NPEPPS: variants seen among roughly 807,000 people sequenced by gnomAD.
NPEPPS encodes the protein aminopeptidase puromycin sensitive.
Under a neutral mutation model 115.5 loss-of-function variants are expected in NPEPPS, and 14 were observed. The ratio of observed to expected loss-of-function variants is 0.12; its 90% CI spans 0.08 to 0.19. The LOEUF (loss-of-function observed/expected upper bound fraction) is 0.19, where lower values mean the gene tolerates loss of function less well. Ranked by LOEUF, NPEPPS falls within the 10% of genes least tolerant of loss-of-function variation. The probability of loss-of-function intolerance (pLI) is 1.00; values close to 1 mark genes in which losing one functional copy is unlikely to be tolerated. For missense variants in NPEPPS, 523 were observed against 1,110.8 expected, an observed-to-expected ratio of 0.47 and a Z score of 7.52; for synonymous variants, 285 against 390.6, an observed-to-expected ratio of 0.73 and a Z score of 3.19.
In NPEPPS at chr17:47,605,440, T is replaced by C. The variant is rs1240694613; in HGVS notation, c.1983T>C (p.Ile661=). ...VWSDLSCNLG[I]LSTLLSHTDF... ...GCGACCTGAGCTGTAACCTGGGGAT[T>C]CTCTCAACTCTCTTGTCCCACACAG... is the stretch of plus-strand genomic sequence containing the variant. Residue 661 remains isoleucine, a synonymous_variant, in exon 17 of 23, where the codon ATT becomes ATC. Coordinates refer to ENST00000322157, the MANE Select transcript of NPEPPS (RefSeq NM_006310.4). 2 of 1,609,894 alleles carry C rather than the reference T, an allele frequency of 1.2e-6. 1 individual carries two copies. The highest frequency in any genetic ancestry group is 2.2e-5 in the South Asian group (2 of 90,006).
chr17:47,570,838 G>A (rs1266153376), intron 3 of NPEPPS, among the ~76,000 whole-genome samples: 3 of 152,190 alleles, frequency 2.0e-5, no homozygotes, highest in South Asian at 2.1e-4. Context: ...CCTTGATATC[G>A]CTGGGGGAAG....
chr17:47,553,058 T>C (rs1190557351), intron 2 of NPEPPS, among the ~76,000 whole-genome samples: 1 of 152,110 alleles, frequency 6.6e-6, no homozygotes, highest in South Asian at 2.1e-4. Context: ...TGTACTACTT[T>C]TCAATGGAAT....
At chr17:47,531,672 G>C (rs2078216082) in intron 1 of NPEPPS, 117 bp downstream of exon 1, 1 of 1,248,162 alleles carries the variant, frequency 8.0e-7, no homozygotes, top group Non-Finnish European at 1.0e-6. Flanking sequence ...GGGCTGGGCG[G>C]CCGCAGGGCG....
At chr17:47,524,241 G>A (rs1277233787) in intron 1 of NPEPPS, among the ~76,000 whole-genome samples, 3 of 151,784 alleles carry the variant, frequency 2.0e-5, no homozygotes, top group African/African-American at 4.8e-5. Context: ...CCCGGGAGGC[G>A]GAGGTTGTAG....
chr17:47,540,152 C>T (rs1411614125), intron 1 of NPEPPS, among the ~76,000 whole-genome samples: 1 of 152,030 alleles, frequency 6.6e-6, no homozygotes, highest in Non-Finnish European at 1.5e-5. Flanking sequence ...CTCTTTGGTA[C>T]AGCCCTTACT....
chr17:47,529,808 G>A (rs1907605815), upstream of NPEPPS, among the ~76,000 whole-genome samples: 1 of 120,926 alleles, frequency 8.3e-6, no homozygotes, highest in African/African-American at 2.9e-5. Flanking sequence ...GGTATCTACA[G>A]AACTGAGAGA....
At chr17:47,572,951 T>A (rs1199215304) in intron 3 of NPEPPS, among the ~76,000 whole-genome samples, 1 of 152,146 alleles carries the variant, frequency 6.6e-6, no homozygotes, top group Non-Finnish European at 1.5e-5. Context: ...GATTTTTGTA[T>A]TTTTAGTAGA....
chr17:47,578,169 TC>T (rs1911642135), intron 3 of NPEPPS, among the ~76,000 whole-genome samples: 1 of 145,600 alleles, frequency 6.9e-6, no homozygotes, highest in African/African-American at 2.6e-5. Flanking sequence ...ACCACTGTAC[TC>T]CAGCCTGGGC....
intron 2 of NPEPPS, among the ~76,000 whole-genome samples, chr17:47,547,233 A>G (rs1163594417): frequency 6.6e-6 from 1 of 152,210 alleles, no homozygotes; most frequent in Non-Finnish European, 1.5e-5. Context: ...TAATTTTAGT[A>G]TGAAAGTAGT....
intron 2 of NPEPPS, among the ~76,000 whole-genome samples, chr17:47,554,573 TG>T (rs1273533970): frequency 2.6e-5 from 4 of 151,740 alleles, no homozygotes; most frequent in Admixed American, 6.6e-5. Flanking sequence ...TTGCTGAAGT[TG>T]GTCTTGAACT....
chr17:47,604,721 A>T (rs1913414748), intron 16 of NPEPPS, among the ~76,000 whole-genome samples: 1 of 152,218 alleles, frequency 6.6e-6, no homozygotes, highest in Admixed American at 6.5e-5. Flanking sequence ...ACATCTGCTG[A>T]TCTAATTGCT....
At position 47,613,736 on chromosome 17, in the gene NPEPPS, T is replaced by G. The variant is rs371998687; in HGVS notation, c.2295+11T>G. ...GATATTATGTTAAAAGTAAGTATAT[T>G]TGAGAAGGCTCCCATTTCCTGCTTT... On this transcript the variant is annotated intron_variant, in intron 19 of 22. Transcript: ENST00000322157. 9 of 1,603,368 alleles carry G rather than the reference T, an allele frequency of 5.6e-6. No homozygotes were observed. In the African/African-American group the frequency reaches 1.2e-4, roughly 21 times the overall value.
At chr17:47,610,788 T>A (rs1048707515) in intron 17 of NPEPPS, among the ~76,000 whole-genome samples, 1 of 151,840 alleles carries the variant, frequency 6.6e-6, no homozygotes, top group African/African-American at 2.4e-5. Context: ...TGTGTAGACA[T>A]GCTTTCATTT....
chr17:47,585,817 T>A, intron 6 of NPEPPS, 117 bp downstream of exon 6: 1 of 842,564 alleles, frequency 1.2e-6, no homozygotes, highest in South Asian at 1.7e-5. Flanking sequence ...TTGTGCTACT[T>A]GGTTTATTTT....
chr17:47,555,057 A>G (rs1909908148), intron 2 of NPEPPS, among the ~76,000 whole-genome samples: 1 of 152,184 alleles, frequency 6.6e-6, no homozygotes, highest in Non-Finnish European at 1.5e-5. Flanking sequence ...AACTGCAGAT[A>G]AGGGGGGACT....
At position 47,592,073 on chromosome 17, in the gene NPEPPS, T is replaced by G. The variant is rs765980845; in HGVS notation, c.1365+13T>G. 33 of 1,415,666 alleles carry G rather than the reference T, an allele frequency of 2.3e-5. No individual in the cohort carries two copies. Among genetic ancestry groups the G allele is most frequent in the Non-Finnish European group, 3.0e-5 (30 of 1,010,458 alleles). 87.7% of individuals were successfully genotyped at this position (1,415,666 alleles called of 1,614,324 possible). On this transcript the variant is annotated intron_variant, in intron 11 of 22. Coordinates refer to ENST00000322157, the MANE Select transcript of NPEPPS (RefSeq NM_006310.4). ...CATTGGGGATAAGGTAAAAAAAAAC[T>G]TTAAATATTTCATTCTTTTATGGTG... is the stretch of plus-strand genomic sequence containing the variant.
At chr17:47,552,683 T>C (rs183147588) in intron 2 of NPEPPS, among the ~76,000 whole-genome samples, 61 of 152,320 alleles carry the variant, frequency 4.0e-4, no homozygotes, top group African/African-American at 1.5e-3. Context: ...ACTGCTGTTT[T>C]AGGAATTTAG....
At chr17:47,563,662 C>G (rs917106849) in intron 2 of NPEPPS, among the ~76,000 whole-genome samples, 2 of 151,948 alleles carry the variant, frequency 1.3e-5, no homozygotes, top group African/African-American at 4.8e-5. Context: ...GCTCCGCCTC[C>G]CGAGTTCACG....
intron 2 of NPEPPS, chr17:47,557,559 C>T (rs1184340879): frequency 2.0e-5 from 3 of 148,784 alleles, no homozygotes; most frequent in African/African-American, 7.3e-5. Flanking sequence ...GGATGTTTGG[C>T]TTATTACTTT....
Sources: gnomAD v4.1 joint callset for allele counts (sites outside exome capture counted in the v4.1 genomes callset) on GRCh38, gnomAD v4.1.1 for gene constraint, MANE v1.5 for transcripts, NCBI Gene and HGNC (gene_info 2026-07-23, HGNC 2026-07-21) for gene names.